R3HDM2: variants seen among roughly 807,000 people sequenced by gnomAD.
R3HDM2 encodes R3H domain-containing protein 2.
R3HDM2 carries 38 observed loss-of-function variants against 124.5 expected under a neutral mutation model. That is an observed-to-expected ratio of 0.31 (90% CI 0.24 to 0.40). The LOEUF (loss-of-function observed/expected upper bound fraction) is 0.40, where lower values mean the gene tolerates loss of function less well. Among genes scored for constraint, R3HDM2 ranks in the 10% least tolerant of loss-of-function variants. The pLI is 1.00. For synonymous variants in R3HDM2, 391 were observed against 448.0 expected (o/e 0.87, Z 1.61); for missense variants, 869 against 1,236.9 (o/e 0.70, Z 4.46).
intron 2 of R3HDM2, among the ~76,000 whole-genome samples, chr12:57,344,489 A>G (rs549378427): frequency 1.3e-5 from 2 of 152,356 alleles, no homozygotes; most frequent in Non-Finnish European, 2.9e-5. Context: ...TTGTATAAGA[A>G]AAGAGATGAA....
intron 19 of R3HDM2, among the ~76,000 whole-genome samples, chr12:57,260,765 T>C (rs1256270664): frequency 1.3e-5 from 2 of 152,186 alleles, no homozygotes; most frequent in Non-Finnish European, 2.9e-5. Context: ...CCACTGCTGC[T>C]GTCATCAAAT....
chr12:57,419,842 C>T (rs986092567), intron 1 of R3HDM2, among the ~76,000 whole-genome samples: 1 of 151,970 alleles, frequency 6.6e-6, no homozygotes, highest in African/African-American at 2.4e-5. Context: ...TCTTTGCCTG[C>T]CTAGCCATAC....
intron 19 of R3HDM2, among the ~76,000 whole-genome samples, chr12:57,260,190 G>A (rs1250731050): frequency 6.8e-6 from 1 of 146,786 alleles, no homozygotes; most frequent in African/African-American, 2.5e-5. Flanking sequence ...CTTGAGCCTG[G>A]GAGGTCGAGG....
intron 2 of R3HDM2, among the ~76,000 whole-genome samples, chr12:57,377,566 G>C (rs565030691): frequency 6.6e-6 from 1 of 152,116 alleles, no homozygotes; most frequent in South Asian, 2.1e-4. Context: ...ACTGCACCAG[G>C]AGACAGATTT....
At chr12:57,418,271 C>T in intron 1 of R3HDM2, 1 of 985,404 alleles carries the variant, frequency 1.0e-6, no homozygotes, top group Non-Finnish European at 1.2e-6. Flanking sequence ...TTCATCTGCT[C>T]TTTTCAGCTC....
chr12:57,257,615 T>C (rs768513334), intron 21 of R3HDM2, among the ~76,000 whole-genome samples: 4 of 152,180 alleles, frequency 2.6e-5, no homozygotes, highest in Non-Finnish European at 5.9e-5. Flanking sequence ...TGAAACCAAA[T>C]CTAGTGGTTC....
chr12:57,389,180 G>C (rs1212805544), intron 2 of R3HDM2, among the ~76,000 whole-genome samples: 1 of 152,198 alleles, frequency 6.6e-6, no homozygotes, highest in Non-Finnish European at 1.5e-5. Flanking sequence ...AGTGACTGAT[G>C]CAGTGACTCA....
chr12:57,360,763 G>A (rs1420537512), intron 2 of R3HDM2, among the ~76,000 whole-genome samples: 1 of 152,190 alleles, frequency 6.6e-6, no homozygotes, highest in Non-Finnish European at 1.5e-5. Flanking sequence ...ATTGCTTTAA[G>A]AAAGGCATAG....
rs144578070 is a variant in R3HDM2, at chr12:57,286,708, G to A, written c.938+2301C>T. On this transcript the variant is annotated intron_variant, in intron 12 of 23. Coordinates refer to ENST00000402412, the MANE Select transcript of R3HDM2 (RefSeq NM_001394031.1). ...ACCAGCCTCAACATGGAGAAACCCC[G>A]TCTCTACTAAAAACACAAAATTAGC... 2.4e-3 allele frequency among the ~76,000 whole-genome samples: 360 copies of A among 152,120 alleles called. 9 individuals are homozygous for A. The East Asian group carries it at 0.05, about 21-fold the overall frequency.
chr12:57,304,509 T>C, intron 3 of R3HDM2: 1 of 984,206 alleles, frequency 1.0e-6, no homozygotes, highest in Non-Finnish European at 1.2e-6. Context: ...TTCTCTTTTC[T>C]TGGTCTTCTT....
intron 14 of R3HDM2, among the ~76,000 whole-genome samples, chr12:57,276,219 A>G (rs2044694869): frequency 6.6e-6 from 1 of 151,814 alleles, no homozygotes; most frequent in Non-Finnish European, 1.5e-5. Flanking sequence ...AAAAAAAAAA[A>G]AAAAAAAAGA....
intron 2 of R3HDM2, among the ~76,000 whole-genome samples, chr12:57,356,380 TAG>T (rs913100673): frequency 2.0e-5 from 3 of 152,238 alleles, no homozygotes; most frequent in Admixed American, 2.0e-4. Context: ...AGTCTGTTAA[TAG>T]AGAATTACAT....
chr12:57,364,160 T>C (rs959520682), intron 2 of R3HDM2, among the ~76,000 whole-genome samples: 4 of 149,674 alleles, frequency 2.7e-5, no homozygotes, highest in Admixed American at 6.7e-5. Context: ...TTTTTTTTTT[T>C]TTTTTCAGAT....
At chr12:57,359,475 C>G (rs2061637498) in intron 2 of R3HDM2, among the ~76,000 whole-genome samples, 1 of 152,190 alleles carries the variant, frequency 6.6e-6, no homozygotes, top group South Asian at 2.1e-4. Flanking sequence ...ATTCTTTGTT[C>G]CGAAATCTAC....
chr12:57,364,961 A>ATT (rs1408130495), intron 2 of R3HDM2, among the ~76,000 whole-genome samples: 23 of 134,278 alleles, frequency 1.7e-4, no homozygotes, highest in Middle Eastern at 0.01. Flanking sequence ...TCAAAAAAAA[A>ATT]AAAAAAAAAA....
At chr12:57,265,979 T>C (rs112702712) in intron 19 of R3HDM2, among the ~76,000 whole-genome samples, 10 of 152,164 alleles carry the variant, frequency 6.6e-5, no homozygotes, top group African/African-American at 2.2e-4. Context: ...GTATTTTTAA[T>C]AGAAGTGGGG....
intron 1 of R3HDM2, among the ~76,000 whole-genome samples, chr12:57,401,577 AC>A (rs1477585413): frequency 3.3e-5 from 5 of 152,248 alleles, no homozygotes; most frequent in African/African-American, 7.2e-5. Context: ...AATGCAGCTG[AC>A]CATTGAACAA....
intron 1 of R3HDM2, among the ~76,000 whole-genome samples, chr12:57,428,976 A>G (rs1594704135): frequency 6.6e-6 from 1 of 152,128 alleles, no homozygotes; most frequent in East Asian, 1.9e-4. Flanking sequence ...CAAACTCCTG[A>G]CCTCAGGTGA....
chr12:57,282,033 G>C (rs1042505708), intron 13 of R3HDM2, among the ~76,000 whole-genome samples: 4 of 152,158 alleles, frequency 2.6e-5, no homozygotes, highest in Admixed American at 6.5e-5. Context: ...TGGTTGGTTG[G>C]GTGTGGTGGC....
Sources: gnomAD v4.1 joint callset for allele counts (sites outside exome capture counted in the v4.1 genomes callset) on GRCh38, gnomAD v4.1.1 for gene constraint, MANE v1.5 for transcripts, NCBI Gene and HGNC (gene_info 2026-07-23, HGNC 2026-07-21) for gene names.